Variants in NIPSNAP3B observed in about 807,000 individuals in gnomAD.
NIPSNAP3B encodes nipsnap homolog 3B.
Under a neutral mutation model 31.5 loss-of-function variants are expected in NIPSNAP3B, and 30 were observed. The ratio of observed to expected loss-of-function variants is 0.95; its 90% confidence interval spans 0.71 to 1.29. The LOEUF (loss-of-function observed/expected upper bound fraction) is 1.29. Among genes scored for constraint, NIPSNAP3B ranks in the 50% most tolerant of loss-of-function variants. The probability of loss-of-function intolerance (pLI) is 0.00; values close to 1 mark genes in which losing one functional copy is unlikely to be tolerated. For synonymous variants in NIPSNAP3B, 106 were observed against 107.9 expected, an observed-to-expected ratio of 0.98 and a Z score of 0.11; for missense variants, 269 against 300.7, an observed-to-expected ratio of 0.89 and a Z score of 0.78.
intron 4 of NIPSNAP3B, among the ~76,000 whole-genome samples, chr9:104,772,582 T>G (rs994859807): frequency 2.6e-5 from 4 of 152,304 alleles, no homozygotes. Context: ...TCGGGTCTAG[T>G]CTTAATTGTG....
chr9:104,784,318 T>A, the NIPSNAP3B span: 113 of 1,614,032 alleles, frequency 7.0e-5, 1 homozygote, highest in South Asian at 1.2e-3. Context: ...GGATTCTTCA[T>A]ACATAGCTTT....
chr9:104,782,333 TTATA>T (rs1828591581), downstream of NIPSNAP3B: 1 of 152,146 alleles, frequency 6.6e-6, no homozygotes, highest in South Asian at 2.1e-4. Context: ...CAGCAGTGGG[TTATA>T]TAATATTCTG....
chr9:104,787,986 A>G, the NIPSNAP3B span: 1 of 1,614,196 alleles, frequency 6.2e-7, no homozygotes, highest in Non-Finnish European at 8.5e-7. Flanking sequence ...TGTTGCCTCC[A>G]CTATAGTTAC....
At position 104,773,326 on chromosome 9, in the gene NIPSNAP3B, G is replaced by T; in HGVS notation, c.*253G>T. On this transcript the variant is annotated 3_prime_UTR_variant, in exon 6 of 6. Coordinates refer to ENST00000374762, the MANE Select transcript of NIPSNAP3B (RefSeq NM_018376.4). ...TAGTTGTCACTATTTCATCATCTTG[G>T]TTTTTCATTTGTTTTAGAATACCTC... The T allele has an allele frequency of 2.5e-6, 1 of 402,592 alleles. No homozygotes were observed. The highest frequency in any genetic ancestry group is 4.1e-5 in the South Asian group (1 of 24,170). The allele number at this position is 402,592 out of a possible 1,614,324, so 24.9% of individuals were successfully genotyped here. A position where few individuals can be genotyped will look rare whatever the true frequency, so the allele number is the denominator to read the frequency against.
chr9:104,768,818 G>C (rs769954090), intron 2 of NIPSNAP3B, 45 bp from the exon 3 acceptor site: 1 of 1,544,578 alleles, frequency 6.5e-7, no homozygotes, highest in African/African-American at 1.4e-5. Context: ...AAATATGGGC[G>C]ATTTTAAATA....
At chr9:104,780,238 G>A (rs1476678518), downstream of NIPSNAP3B, among the ~76,000 whole-genome samples, 1 of 152,152 alleles carries the variant, frequency 6.6e-6, no homozygotes, top group Non-Finnish European at 1.5e-5. Flanking sequence ...GGGGCATCTT[G>A]GCTCACTTGA....
In NIPSNAP3B at chr9:104,776,394, T is replaced by G. The variant is rs1828336965; in HGVS notation, c.*3321T>G. On this transcript the variant is annotated 3_prime_UTR_variant, in exon 6 of 6. Transcript: ENST00000374762. ...CTATCTGCTAGAGACTGAATGTTTT[T>G]GTCCCCCCAAAATTCCTATGTTGAA... Among the ~76,000 whole-genome samples the G allele has an allele frequency of 1.9e-5, 1 of 53,316 alleles. No individual in the cohort carries two copies. The highest frequency in any genetic ancestry group is 7.1e-5 in the African/African-American group (1 of 14,130). 35.0% of individuals were successfully genotyped at this position (53,316 alleles called of 152,430 possible).
the NIPSNAP3B span, chr9:104,784,296 C>T: frequency 1.2e-6 from 2 of 1,613,868 alleles, no homozygotes; most frequent in Admixed American, 1.7e-5. Flanking sequence ...TTTCAGCCAC[C>T]CCGTATGAAC....
intron 4 of NIPSNAP3B, among the ~76,000 whole-genome samples, chr9:104,772,307 AATTAATATC>A (rs61451423): frequency 0.6 from 90,025 of 150,932 alleles, 27,269 homozygotes; most frequent in Admixed American, 0.7. Flanking sequence ...TGTCATTCAA[AATTAATATC>A]ATTGACATAG....
At position 104,764,226 on chromosome 9, in the gene NIPSNAP3B, T is replaced by A. The variant is rs763819857; in HGVS notation, c.-15T>A. 2.5e-6 allele frequency: 4 copies of A among 1,599,434 alleles called. No homozygotes were observed. The highest frequency in any genetic ancestry group is 1.7e-6 in the Non-Finnish European group (2 of 1,174,898). ...GGACTCGGCTGGCTGCTTTTCTCAG[T>A]GCCGAAGCCGCGCCATGCTCGTTCT... On this transcript the variant is annotated 5_prime_UTR_variant, in exon 1 of 6. Coordinates refer to ENST00000374762, the MANE Select transcript of NIPSNAP3B (RefSeq NM_018376.4).
rs1828254798 is a variant in NIPSNAP3B, at chr9:104,772,874, T to A, written c.633T>A (p.His211Gln). ...ESADSRAAGRHKSHEDPRVVA... is the reference protein window; with the variant it reads ...ESADSRAAGRQKSHEDPRVVA... ...CAGATAGTCGTGCAGCTGGGAGACATAAGTCCCATGAGGATCCCAGAGTTG... is the reference window on the plus strand; with the variant it reads ...CAGATAGTCGTGCAGCTGGGAGACAAAAGTCCCATGAGGATCCCAGAGTTG... Residue 211 changes from histidine (H) to glutamine (Q), a missense_variant, in exon 5 of 6, where the codon CAT becomes CAA. Transcript: ENST00000374762. 16 of 1,613,590 alleles carry A rather than the reference T, an allele frequency of 9.9e-6. No individual in the cohort carries two copies. The highest frequency in any genetic ancestry group is 1.3e-5 in the African/African-American group (1 of 74,930).
intron 5 of NIPSNAP3B, 22 bp from the exon 6 acceptor site, chr9:104,772,975 T>G: frequency 6.2e-7 from 1 of 1,614,088 alleles, no homozygotes; most frequent in Non-Finnish European, 8.5e-7. Context: ...ACTGTATGCC[T>G]TCTTATGAAA....
At chr9:104,787,547 T>C in the NIPSNAP3B span, among the ~76,000 whole-genome samples, 4 of 152,208 alleles carry the variant, frequency 2.6e-5, no homozygotes, top group Admixed American at 2.6e-4. Context: ...CATCTATCCG[T>C]GTGTAAGGAA....
chr9:104,772,193 GAC>G lies in NIPSNAP3B; in HGVS notation c.581-627_581-626del, dbSNP rs1181076771. ...CTGGAGGTTGTCTGTTTACTCTGTT[GAC>G]AGTTTTTTTTTTGTTTTTTTTTTTG... On this transcript the variant is annotated intron_variant, in intron 4 of 5. Transcript: ENST00000374762. Among the ~76,000 whole-genome samples the G allele has an allele frequency of 2.5e-3, 379 of 148,694 alleles. 8 individuals carry two copies. The highest frequency in any genetic ancestry group is 1.2e-3 in the East Asian group (6 of 4,976).
At chr9:104,789,608 A>G in the NIPSNAP3B span, among the ~76,000 whole-genome samples, 1 of 152,226 alleles carries the variant, frequency 6.6e-6, no homozygotes, top group African/African-American at 2.4e-5. Flanking sequence ...ATGACGCAGT[A>G]TAAGGTAGAA....
At position 104,777,062 on chromosome 9, in the gene NIPSNAP3B, A is replaced by C. The variant is rs1213148679; in HGVS notation, c.*3989A>C. The C allele has an allele frequency of 6.6e-6, 1 of 152,232 alleles. No homozygotes were observed. The highest frequency in any genetic ancestry group is 1.5e-5 in the Non-Finnish European group (1 of 68,048). 9.4% of individuals were successfully genotyped at this position (152,232 alleles called of 1,614,324 possible). On this transcript the variant is annotated 3_prime_UTR_variant, in exon 6 of 6. Transcript: ENST00000374762. ...GGAGTGCCATCAATAAATAAAAATA[A>C]TACCATTGTCTGTTGGTTATAAGTT...
At chr9:104,787,850 T>C in the NIPSNAP3B span, 36 of 1,613,594 alleles carry the variant, frequency 2.2e-5, no homozygotes, top group South Asian at 6.6e-5. Flanking sequence ...CCTGGACATA[T>C]AGGACTTTTG....
rs1361784169 is a variant in NIPSNAP3B at position 104,764,358 on chromosome 9, G to A, written c.60+58G>A. 5 of 1,433,470 alleles carry A rather than the reference G, an allele frequency of 3.5e-6. No individual in the cohort carries two copies. In the Admixed American group the frequency reaches 9.1e-5, roughly 26 times the overall value. 88.8% of individuals were successfully genotyped at this position (1,433,470 alleles called of 1,614,324 possible). ...CCGGAGGGGAGGGGAGGGGCGGGGGGTATTTCTGAAGCGTGCGAGCCACGC... is the reference window on the plus strand; with the variant it reads ...CCGGAGGGGAGGGGAGGGGCGGGGGATATTTCTGAAGCGTGCGAGCCACGC... On this transcript the variant is annotated intron_variant, in intron 1 of 5. Transcript: ENST00000374762.
chr9:104,764,358 G>T, intron 1 of NIPSNAP3B, 58 bp downstream of exon 1: 2 of 1,433,590 alleles, frequency 1.4e-6, no homozygotes, highest in South Asian at 2.5e-5. Flanking sequence ...GGGGCGGGGG[G>T]TATTTCTGAA....
Sources: allele counts gnomAD v4.1 joint callset (sites outside exome capture counted in the v4.1 genomes callset), GRCh38; gene constraint gnomAD v4.1.1; transcripts MANE v1.5; gene names NCBI Gene and HGNC (gene_info 2026-07-23, HGNC 2026-07-21).